GGNBP2: variants seen among roughly 807,000 people sequenced by gnomAD.
The protein encoded by GGNBP2 is gametogenetin binding protein 2.
A neutral mutation model predicts 85.9 loss-of-function variants in GGNBP2; 10 were observed. The observed-to-expected ratio is 0.12, with a 90% confidence interval of 0.07 to 0.20. The LOEUF (loss-of-function observed/expected upper bound fraction) is 0.20, where lower values mean the gene tolerates loss of function less well. GGNBP2 is among the 10% of genes least tolerant of loss of function. The probability of loss-of-function intolerance (pLI) is 1.00; values close to 1 mark genes in which losing one functional copy is unlikely to be tolerated. For synonymous variants in GGNBP2, 287 were observed against 285.7 expected (o/e 1.00, Z -0.05); for missense variants, 595 against 857.8 (o/e 0.69, Z 3.83).
At chr17:36,549,227 C>G (rs529321317) in intron 2 of GGNBP2, among the ~76,000 whole-genome samples, 1 of 150,710 alleles carries the variant, frequency 6.6e-6, no homozygotes, top group Non-Finnish European at 1.5e-5. Context: ...TTTTGAGACA[C>G]AGTCTCGCTC....
At chr17:36,546,300 C>T (rs1387053534) in intron 2 of GGNBP2, 5 of 234,640 alleles carry the variant, frequency 2.1e-5, no homozygotes, top group Non-Finnish European at 4.1e-5. Flanking sequence ...TGCTCGTGCA[C>T]AGTCAAGATT....
chr17:36,583,189 G>A (rs1466867486), intron 9 of GGNBP2, among the ~76,000 whole-genome samples: 1 of 151,976 alleles, frequency 6.6e-6, no homozygotes, highest in Non-Finnish European at 1.5e-5. Context: ...AAGTAGCTGG[G>A]GCTACAGGCG....
intron 2 of GGNBP2, among the ~76,000 whole-genome samples, chr17:36,548,967 T>C (rs1199876822): frequency 6.6e-6 from 1 of 152,130 alleles, no homozygotes; most frequent in Non-Finnish European, 1.5e-5. Flanking sequence ...AGCCTCTTCT[T>C]TTATGTGATA....
At chr17:36,585,755 T>C in intron 10 of GGNBP2, 85 bp from the exon 11 acceptor site, 1 of 1,200,474 alleles carries the variant, frequency 8.3e-7, no homozygotes, top group Non-Finnish European at 1.2e-6. Context: ...TTATGAGATT[T>C]TTCTGTGGTC....
chr17:36,555,474 G>A (rs2074352934), intron 3 of GGNBP2, among the ~76,000 whole-genome samples: 1 of 152,122 alleles, frequency 6.6e-6, no homozygotes, highest in African/African-American at 2.4e-5. Flanking sequence ...CAGGTGGATC[G>A]CTTGAGTTCA....
At chr17:36,568,954 C>T (rs1186170761) in intron 6 of GGNBP2, among the ~76,000 whole-genome samples, 3 of 152,034 alleles carry the variant, frequency 2.0e-5, no homozygotes, top group Admixed American at 2.0e-4. Flanking sequence ...TGGGGTTTCA[C>T]CATGTTTGCC....
At chr17:36,565,303 G>A (rs1044353334) in intron 5 of GGNBP2, among the ~76,000 whole-genome samples, 1 of 152,176 alleles carries the variant, frequency 6.6e-6, no homozygotes, top group South Asian at 2.1e-4. Context: ...CATGGATTAA[G>A]CTGTGAATGG....
At chr17:36,570,766 A>G (rs2074515875) in intron 6 of GGNBP2, among the ~76,000 whole-genome samples, 1 of 152,164 alleles carries the variant, frequency 6.6e-6, no homozygotes, top group Admixed American at 6.5e-5. Flanking sequence ...CATGCCTGTA[A>G]TCCTAGCACT....
At chr17:36,571,076 A>AG (rs1567826791) in intron 6 of GGNBP2, among the ~76,000 whole-genome samples, 1 of 152,214 alleles carries the variant, frequency 6.6e-6, no homozygotes, top group Non-Finnish European at 1.5e-5. Context: ...CTTAGTCAAA[A>AG]GGCTGAGACG....
chr17:36,578,726 A>G (rs1429824343), intron 7 of GGNBP2: 1 of 155,140 alleles, frequency 6.4e-6, no homozygotes, highest in Non-Finnish European at 1.4e-5. Context: ...TTTTGTATTT[A>G]GGGTATCAAC....
chr17:36,576,649 GTATATATATGTA>G (rs1395992113), intron 6 of GGNBP2: 2 of 116,474 alleles, frequency 1.7e-5, no homozygotes, highest in African/African-American at 3.6e-5. Context: ...ATATGTATAT[GTATATATATGTA>G]TATATATGTG....
At chr17:36,550,739 A>G (rs889724322) in intron 2 of GGNBP2, among the ~76,000 whole-genome samples, 2 of 152,202 alleles carry the variant, frequency 1.3e-5, no homozygotes, top group Non-Finnish European at 1.5e-5. Flanking sequence ...GTTGCTAGCT[A>G]TGGGTAGGGA....
At chr17:36,565,444 T>A (rs1019298098) in intron 5 of GGNBP2, among the ~76,000 whole-genome samples, 3 of 152,166 alleles carry the variant, frequency 2.0e-5, no homozygotes, top group Non-Finnish European at 4.4e-5. Flanking sequence ...AGATTTTTTT[T>A]ATAGAGCTTT....
chr17:36,578,663 T>C (rs748722491), intron 7 of GGNBP2: 17 of 155,944 alleles, frequency 1.1e-4, no homozygotes, highest in Non-Finnish European at 2.3e-4. Context: ...CTGGCTTTGT[T>C]GTAAAAATAA....
chr17:36,550,861 G>T (rs938278415), intron 2 of GGNBP2, among the ~76,000 whole-genome samples: 8 of 152,224 alleles, frequency 5.3e-5, no homozygotes, highest in Admixed American at 6.5e-5. Flanking sequence ...AGTTAAGGAA[G>T]TGGTTTTAAA....
intron 6 of GGNBP2, chr17:36,577,751 T>A (rs930045197): frequency 1.2e-5 from 7 of 573,336 alleles, no homozygotes; most frequent in Non-Finnish European, 3.1e-6. Flanking sequence ...CCTCATTCTT[T>A]TAGGCTATGT....
In GGNBP2 at chr17:36,589,364, A is replaced by C; in HGVS notation, c.2047A>C (p.Lys683Gln). Reference sequence around the variant, plus strand: ...TAAATACTGCCGGTTAAATGATCACAAGAGGCCCATTTGTAGTGGCTGGTT... The same window carrying C: ...TAAATACTGCCGGTTAAATGATCACCAGAGGCCCATTTGTAGTGGCTGGTT... ...FNKYCRLNDH[K>Q]RPICSGWLTT... The change falls in exon 14 of 14, where the codon AAG (lysine) becomes CAG (glutamine). Residue 683 changes from lysine (K) to glutamine (Q), a missense_variant. Around this residue, in one of 9 missense-constraint regions of GGNBP2, gnomAD observed 26 missense variants for 26.9 expected, o/e 0.97. Coordinates refer to ENST00000613102, the MANE Select transcript of GGNBP2 (RefSeq NM_024835.5). The C allele has an allele frequency of 6.2e-7, 1 of 1,614,112 alleles. No individual in the cohort carries two copies. Among genetic ancestry groups the C allele is most frequent in the Non-Finnish European group, 8.5e-7 (1 of 1,179,968 alleles).
At chr17:36,553,021 CAAAAAAAAAA>C (rs56946600) in intron 2 of GGNBP2, among the ~76,000 whole-genome samples, 1 of 76,232 alleles carries the variant, frequency 1.3e-5, no homozygotes, top group Non-Finnish European at 2.4e-5. Flanking sequence ...GACTCTGTCT[CAAAAAAAAAA>C]AAAAAAAAAA....
rs1188389902 is a variant in GGNBP2 at position 36,589,620 on chromosome 17, A to G, written c.*209A>G. 1.6e-5 allele frequency: 9 copies of G among 576,070 alleles called. No individual in the cohort carries two copies. Among genetic ancestry groups the G allele is most frequent in the Non-Finnish European group, 2.8e-5 (9 of 326,404 alleles). 35.7% of individuals were successfully genotyped at this position (576,070 alleles called of 1,614,324 possible). A position where few individuals can be genotyped will look rare whatever the true frequency, so the allele number is the denominator to read the frequency against. On this transcript the variant is annotated 3_prime_UTR_variant, in exon 14 of 14. Coordinates refer to ENST00000613102, the MANE Select transcript of GGNBP2 (RefSeq NM_024835.5). The stretch of plus-strand genomic sequence containing the variant: ...TTGCGTGGCTGCGCAGGCCTGCCAT[A>G]TGATTTAAGCCATCTCTTTTCATTA...
Sources: allele counts gnomAD v4.1 joint callset (sites outside exome capture counted in the v4.1 genomes callset), GRCh38; gene constraint gnomAD v4.1.1; regional missense constraint gnomAD v4.1.1; transcripts MANE v1.5; gene names NCBI Gene and HGNC (gene_info 2026-07-23, HGNC 2026-07-21).